HEATR5B: variants seen among roughly 807,000 people sequenced by gnomAD.
HEATR5B encodes HEAT repeat-containing protein 5B.
HEATR5B carries 156 observed loss-of-function variants against 224.1 expected under a neutral mutation model. That is an observed-to-expected ratio of 0.70 (90% CI 0.61 to 0.80). The LOEUF is 0.80. HEATR5B is among the 30% of genes least tolerant of loss of function. The pLI is 0.00. For missense variants in HEATR5B, 2,323 were observed against 2,535.5 expected (o/e 0.92, Z 1.80); for synonymous variants, 1,027 against 893.0 (o/e 1.15, Z -2.68).
intron 35 of HEATR5B, among the ~76,000 whole-genome samples, chr2:36,982,131 T>TAG (rs577543140): frequency 1.1e-4 from 16 of 152,256 alleles, no homozygotes; most frequent in African/African-American, 2.9e-4. Context: ...ACGGGCATTC[T>TAG]AGAATCAGGA....
In HEATR5B at chr2:36,981,652, T is replaced by A. The variant is rs1360777748; in HGVS notation, c.6054A>T (p.Pro2018=). Residue 2018 remains proline, a synonymous_variant, in exon 36 of 36, where the codon CCA becomes CCT. Coordinates refer to ENST00000233099, the MANE Select transcript of HEATR5B (RefSeq NM_019024.3). The part of the protein sequence containing the change: ...QNLMHIGPLY[P]HAFKTVMGAA... ...CCCCCATTACTGTCTTGAAAGCATG[T>A]GGATACAGAGGTCCAATATGCATTA... 1.2e-6 allele frequency: 2 copies of A among 1,614,142 alleles called. No individual in the cohort carries two copies. Among genetic ancestry groups the A allele is most frequent in the Non-Finnish European group, 1.7e-6 (2 of 1,180,030 alleles).
chr2:37,068,028 T>C (rs1177536113), intron 8 of HEATR5B, among the ~76,000 whole-genome samples: 1 of 152,164 alleles, frequency 6.6e-6, no homozygotes, highest in Non-Finnish European at 1.5e-5. Flanking sequence ...TTTTAGAATT[T>C]ATATTTTTGC....
At chr2:36,983,276 T>A (rs372999312) in intron 35 of HEATR5B, among the ~76,000 whole-genome samples, 22 of 151,700 alleles carry the variant, frequency 1.5e-4, no homozygotes, top group African/African-American at 4.8e-4. Context: ...ATGCCTGTAA[T>A]CCTAGCACTT....
chr2:36,997,091 A>G (rs981410944), intron 33 of HEATR5B, among the ~76,000 whole-genome samples: 1 of 151,452 alleles, frequency 6.6e-6, no homozygotes, highest in African/African-American at 2.4e-5. Flanking sequence ...AATGATATCA[A>G]CACAGACATA....
chr2:37,018,877 T>G (rs1009519699), intron 26 of HEATR5B, among the ~76,000 whole-genome samples: 26 of 152,258 alleles, frequency 1.7e-4, no homozygotes, highest in East Asian at 3.9e-4. Flanking sequence ...ATGCATTTTT[T>G]GGGGCAGGGT....
At chr2:36,992,475 G>T (rs1286147418) in intron 33 of HEATR5B, among the ~76,000 whole-genome samples, 2 of 151,968 alleles carry the variant, frequency 1.3e-5, no homozygotes, top group Non-Finnish European at 2.9e-5. Flanking sequence ...CAGCTACCTG[G>T]GAGGCTGAGG....
intron 26 of HEATR5B, among the ~76,000 whole-genome samples, chr2:37,016,240 G>C (rs1488087160): frequency 6.6e-6 from 1 of 151,266 alleles, no homozygotes; most frequent in Non-Finnish European, 1.5e-5. Flanking sequence ...AGCCTCACAA[G>C]TAGCTGGGAC....
chr2:37,027,967 A>G lies in HEATR5B; in HGVS notation c.3809T>C (p.Phe1270Ser), dbSNP rs748783365. ...AGCAGAACGTGCCAAGGCAAGATCA[A>G]AGTGAGCCTGGTCTGCATTCTCACA... ...NLCENADQAH[F>S]DLALARSAKL... Residue 1270 changes from phenylalanine (F) to serine (S), a missense_variant, in exon 24 of 36, where the codon TTT becomes TCT. Physicochemically the swap from Phe to Ser is radical, Grantham distance 155. Transcript: ENST00000233099. 3.7e-6 allele frequency: 6 copies of G among 1,614,232 alleles called. No homozygotes were observed. The South Asian group carries it at 6.6e-5, about 18-fold the overall frequency.
intron 18 of HEATR5B, 104 bp from the exon 19 acceptor site, chr2:37,041,396 A>C (rs1669861766): frequency 9.4e-7 from 1 of 1,062,950 alleles, no homozygotes. Context: ...GAAATAAGAA[A>C]AGATTATAAT....
intron 33 of HEATR5B, among the ~76,000 whole-genome samples, chr2:36,991,078 T>C (rs1558696828): frequency 6.6e-6 from 1 of 152,184 alleles, no homozygotes; most frequent in Non-Finnish European, 1.5e-5. Context: ...CAGACAACTG[T>C]AAGAAGTTCA....
Position 37,038,018 on chromosome 2 carries a change from C to G in HEATR5B, c.3053G>C (p.Gly1018Ala). Residue 1018 changes from glycine (G) to alanine (A), a missense_variant, in exon 21 of 36, where the codon GGA (glycine) becomes GCA (alanine). Around this residue, in one of 12 missense-constraint regions of HEATR5B, gnomAD observed 88 missense variants for 86.8 expected, o/e 1.01. Coordinates refer to ENST00000233099, the MANE Select transcript of HEATR5B (RefSeq NM_019024.3). ...GGAACGAATTGTAGAAGTTGTTGCTCCATTCCCTGGTGCAAAATGAAAGAA... is the reference window on the plus strand; with the variant it reads ...GGAACGAATTGTAGAAGTTGTTGCTGCATTCCCTGGTGCAAAATGAAAGAA... ...TTVGPELQGN[G>A]ATTSTIRSSC... 1 of 1,514,808 alleles carries G rather than the reference C, an allele frequency of 6.6e-7. No homozygotes were observed. The highest frequency in any genetic ancestry group is 8.9e-7 in the Non-Finnish European group (1 of 1,125,424). 93.8% of individuals were successfully genotyped at this position (1,514,808 alleles called of 1,614,324 possible).
rs551903839 is a variant in HEATR5B at position 37,075,424 on chromosome 2, C to T, written c.597+61G>A. 1.9e-5 allele frequency: 25 copies of T among 1,283,602 alleles called. No homozygotes were observed. In the Admixed American group the frequency reaches 2.1e-4, roughly 11 times the overall value. 79.5% of individuals were successfully genotyped at this position (1,283,602 alleles called of 1,614,324 possible). On this transcript the variant is annotated intron_variant, in intron 5 of 35. Transcript: ENST00000233099. ...TTAAAATTTTAAAAGAAAAAAAAAT[C>T]GTTGACTGTTTAAGAGCAAGAAGGA...
intron 22 of HEATR5B, among the ~76,000 whole-genome samples, chr2:37,032,280 T>C (rs1669181685): frequency 6.6e-6 from 1 of 152,080 alleles, no homozygotes; most frequent in Non-Finnish European, 1.5e-5. Context: ...CTTCCTTACT[T>C]TAGGAGACAT....
At chr2:37,080,062 T>C (rs568834798) in intron 2 of HEATR5B, among the ~76,000 whole-genome samples, 7 of 152,134 alleles carry the variant, frequency 4.6e-5, no homozygotes, top group Non-Finnish European at 8.8e-5. Flanking sequence ...GGGAAGAACA[T>C]TCCAGGCTGA....
intron 4 of HEATR5B, 108 bp downstream of exon 4, chr2:37,076,803 C>A: frequency 1.3e-6 from 1 of 754,062 alleles, no homozygotes; most frequent in South Asian, 1.8e-5. Flanking sequence ...TACCTCCTTG[C>A]TAAGCAATAT....
intron 5 of HEATR5B, among the ~76,000 whole-genome samples, chr2:37,073,937 G>T (rs1420192717): frequency 1.3e-5 from 2 of 152,194 alleles, no homozygotes; most frequent in African/African-American, 4.8e-5. Flanking sequence ...AGCACAGAGA[G>T]TCCAAAATTA....
chr2:37,058,788 T>G (rs1442395189), intron 13 of HEATR5B, 100 bp downstream of exon 13: 13 of 772,314 alleles, frequency 1.7e-5, no homozygotes. Context: ...TAAAGTTTTA[T>G]GTTTCCTAGA....
intron 35 of HEATR5B, among the ~76,000 whole-genome samples, chr2:36,983,373 CAA>C (rs57119983): frequency 0.34 from 47,077 of 139,612 alleles, 7,939 homozygotes; most frequent in African/African-American, 0.4. Context: ...ACTAAAAATA[CAA>C]AAAAAAAAAA....
chr2:37,005,866 T>C lies in HEATR5B; in HGVS notation c.4778-107A>G, dbSNP rs189634688. On this transcript the variant is annotated intron_variant, in intron 29 of 35. Coordinates refer to ENST00000233099, the MANE Select transcript of HEATR5B (RefSeq NM_019024.3). ...TGTTTTTACAGATTACCTTAACATGTATTTATTAATACCTTAAAGTAGACT... is the reference window on the plus strand; with the variant it reads ...TGTTTTTACAGATTACCTTAACATGCATTTATTAATACCTTAAAGTAGACT... 63 of 800,632 alleles carry C rather than the reference T, an allele frequency of 7.9e-5. No homozygotes were observed. The African/African-American group carries it at 1.1e-3, about 14-fold the overall frequency. 49.6% of individuals were successfully genotyped at this position (800,632 alleles called of 1,614,324 possible).
Sources: gnomAD v4.1 joint callset for allele counts (sites outside exome capture counted in the v4.1 genomes callset) on GRCh38, gnomAD v4.1.1 for gene constraint, gnomAD v4.1.1 regional missense constraint, MANE v1.5 for transcripts, NCBI Gene and HGNC (gene_info 2026-07-23, HGNC 2026-07-21) for gene names.